Variants in EPB41L2 observed in about 807,000 individuals in gnomAD.
The protein encoded by EPB41L2 is band 4.1-like protein 2.
Under a neutral mutation model 113.0 loss-of-function variants are expected in EPB41L2, and 43 were observed. That is an observed-to-expected ratio of 0.38 (90% confidence interval 0.30 to 0.49). The LOEUF (loss-of-function observed/expected upper bound fraction) is 0.49. Ranked by LOEUF, EPB41L2 falls within the 20% of genes least tolerant of loss-of-function variation. The pLI is 0.95. For synonymous variants in EPB41L2, 442 were observed against 436.7 expected (o/e 1.01, Z -0.15); for missense variants, 1,147 against 1,223.4 (o/e 0.94, Z 0.93).
intron 1 of EPB41L2, among the ~76,000 whole-genome samples, chr6:130,967,519 A>G (rs1775593697): frequency 6.6e-6 from 1 of 152,180 alleles, no homozygotes; most frequent in Admixed American, 6.5e-5. Flanking sequence ...GGAATGGGGC[A>G]CTTGGAAATA....
intron 4 of EPB41L2, among the ~76,000 whole-genome samples, chr6:130,913,296 C>T (rs1359293211): frequency 6.6e-6 from 1 of 152,214 alleles, no homozygotes; most frequent in Non-Finnish European, 1.5e-5. Flanking sequence ...AAATGGCTTA[C>T]TTTCAACCAT....
At position 130,858,042 on chromosome 6, in the gene EPB41L2, T is replaced by A. The variant is rs2128422667; in HGVS notation, c.*5+89A>T. The A allele has an allele frequency of 5.9e-6, 6 of 1,008,424 alleles. No individual in the cohort carries two copies. The South Asian group carries it at 6.4e-5, about 11-fold the overall frequency. The allele number at this position is 1,008,424 out of a possible 1,614,324, so 62.5% of individuals were successfully genotyped here. A position where few individuals can be genotyped will look rare whatever the true frequency, so the allele number is the denominator to read the frequency against. ...CAAATGTACTATAGGAAGAAGACAC[T>A]GATATGAACTTTCATTTCACATCCT... On this transcript the variant is annotated intron_variant, in intron 19 of 19. Coordinates refer to ENST00000337057, the MANE Select transcript of EPB41L2 (RefSeq NM_001431.4).
At position 130,907,676 on chromosome 6, in the gene EPB41L2, T is replaced by C. The variant is rs990606741; in HGVS notation, c.853+1145A>G. Among the ~76,000 whole-genome samples, 3 of 149,628 alleles carry C rather than the reference T, an allele frequency of 2.0e-5. No individual in the cohort carries two copies. In the East Asian group the frequency reaches 5.9e-4, roughly 29 times the overall value. ...ATATGCTCAGAATAAAAAAAGAGAGTAGGGAAGCAAAGAAATGACAGGAAG... is the reference window on the plus strand; with the variant it reads ...ATATGCTCAGAATAAAAAAAGAGAGCAGGGAAGCAAAGAAATGACAGGAAG... On this transcript the variant is annotated intron_variant, in intron 5 of 19. Transcript: ENST00000337057.
intron 7 of EPB41L2, 143 bp downstream of exon 7, chr6:130,900,819 G>A (rs1363826624): frequency 2.5e-5 from 20 of 813,066 alleles, no homozygotes; most frequent in Admixed American, 1.6e-4. Flanking sequence ...AGGGCTCCAC[G>A]TTGCCTTGAT....
At chr6:130,994,376 G>A (rs1782576381) in intron 1 of EPB41L2, among the ~76,000 whole-genome samples, 1 of 152,114 alleles carries the variant, frequency 6.6e-6, no homozygotes, top group Non-Finnish European at 1.5e-5. Context: ...TACAGAATTG[G>A]GATATGGCTG....
chr6:131,028,696 A>C (rs7742376), intron 1 of EPB41L2, among the ~76,000 whole-genome samples: 109,837 of 152,004 alleles, frequency 0.72, 39,933 homozygotes, highest in Non-Finnish European at 0.75. Flanking sequence ...TATCGCATAA[A>C]ACCAGTTTCA....
chr6:130,850,214 C>T (rs189553442), intron 19 of EPB41L2, among the ~76,000 whole-genome samples: 8 of 152,020 alleles, frequency 5.3e-5, no homozygotes, highest in Non-Finnish European at 8.8e-5. Context: ...CTCCAGTCTG[C>T]GCGACAAGAG....
intron 4 of EPB41L2, among the ~76,000 whole-genome samples, chr6:130,911,895 G>A (rs1799523339): frequency 7.5e-6 from 1 of 132,832 alleles, no homozygotes; most frequent in Admixed American, 7.4e-5. Context: ...TAATATAACA[G>A]GGGTCCTCAA....
At chr6:131,010,369 T>G (rs1211337637) in intron 1 of EPB41L2, among the ~76,000 whole-genome samples, 1 of 152,176 alleles carries the variant, frequency 6.6e-6, no homozygotes, top group Middle Eastern at 3.2e-3. Flanking sequence ...CCATTTCTAT[T>G]GCTTTGCAAC....
rs138467790 is a variant in EPB41L2, at chr6:130,955,297, C to A, written c.513G>T (p.Lys171Asn). 2.7e-5 allele frequency: 44 copies of A among 1,611,592 alleles called. No individual in the cohort carries two copies. In the African/African-American group the frequency reaches 4.6e-4, roughly 17 times the overall value. ...TTTCTTTTACCTTCTCTTCTCTCTC[C>A]TTACTTACTAATTCAGTAGGCTGTT... ...VEMQPTELVS[K>N]EREEKVKETQ... is the part of the protein sequence containing the mutation. Residue 171 changes from lysine to asparagine, a missense_variant, in exon 3 of 20, where the codon AAG becomes AAT. Lys to Asn is a moderately conservative substitution (Grantham distance 94, BLOSUM62 0). Transcript: ENST00000337057.
chr6:130,929,451 A>G (rs1199015843), intron 3 of EPB41L2, among the ~76,000 whole-genome samples: 1 of 152,232 alleles, frequency 6.6e-6, no homozygotes, highest in South Asian at 2.1e-4. Flanking sequence ...GAAGCCATCC[A>G]GAATAAACAA....
chr6:130,925,195 T>C (rs1225609485), intron 4 of EPB41L2, among the ~76,000 whole-genome samples: 2 of 148,438 alleles, frequency 1.3e-5, no homozygotes, highest in African/African-American at 5.1e-5. Context: ...CTTTTCTTTT[T>C]TTTTTTTTTT....
At chr6:131,034,202 C>T (rs6935560) in intron 1 of EPB41L2, among the ~76,000 whole-genome samples, 17,547 of 152,176 alleles carry the variant, frequency 0.12, 1,819 homozygotes, top group African/African-American at 0.27. Flanking sequence ...GGAATGTTAA[C>T]TATGGTTTCC....
At chr6:131,008,737 G>A (rs561251573) in intron 1 of EPB41L2, among the ~76,000 whole-genome samples, 1 of 152,344 alleles carries the variant, frequency 6.6e-6, no homozygotes, top group African/African-American at 2.4e-5. Context: ...GAGACATGGA[G>A]TCAAAGGAGA....
intron 19 of EPB41L2, among the ~76,000 whole-genome samples, chr6:130,855,541 C>G (rs577145919): frequency 1.9e-3 from 282 of 152,186 alleles, no homozygotes; most frequent in African/African-American, 6.2e-3. Flanking sequence ...TATGAAGAGT[C>G]AGGTTGCTAG....
intron 1 of EPB41L2, among the ~76,000 whole-genome samples, chr6:130,995,282 C>T (rs538898173): frequency 6.6e-6 from 1 of 152,264 alleles, no homozygotes; most frequent in South Asian, 2.1e-4. Context: ...TTGCAGTGAG[C>T]CGAGATCGCA....
intron 7 of EPB41L2, 67 bp downstream of exon 7, chr6:130,900,895 T>G: frequency 6.5e-7 from 1 of 1,543,938 alleles, no homozygotes; most frequent in East Asian, 2.3e-5. Context: ...AAATGTCTAG[T>G]AAGTGCTACA....
At chr6:130,891,437 TTACTTAC>T (rs1792827144) in intron 10 of EPB41L2, among the ~76,000 whole-genome samples, 1 of 53,234 alleles carries the variant, frequency 1.9e-5, no homozygotes. Flanking sequence ...ATTTACTTAC[TTACTTAC>T]TTACTTACTT....
At chr6:130,978,059 T>A (rs1409345457) in intron 1 of EPB41L2, among the ~76,000 whole-genome samples, 2 of 152,332 alleles carry the variant, frequency 1.3e-5, no homozygotes, top group East Asian at 3.9e-4. Context: ...GAAAATTCTA[T>A]CCCTACCTAA....
Sources: allele counts gnomAD v4.1 joint callset (sites outside exome capture counted in the v4.1 genomes callset), GRCh38; gene constraint gnomAD v4.1.1; transcripts MANE v1.5; gene names NCBI Gene and HGNC (gene_info 2026-07-23, HGNC 2026-07-21).